TMEM237: variants seen among roughly 807,000 people sequenced by gnomAD.
The protein encoded by TMEM237 is transmembrane protein 237.
A neutral mutation model predicts 59.1 loss-of-function variants in TMEM237; 51 were observed. The observed-to-expected ratio is 0.86, with a 90% confidence interval of 0.69 to 1.09. The LOEUF (loss-of-function observed/expected upper bound fraction) is 1.09, where lower values mean the gene tolerates loss of function less well. Among genes scored for constraint, TMEM237 ranks in the 50% least tolerant of loss-of-function variants. The pLI is 0.00. For missense variants in TMEM237, 475 were observed against 478.3 expected (o/e 0.99, Z 0.06); for synonymous variants, 140 against 166.1 (o/e 0.84, Z 1.21).
intron 6 of TMEM237, 79 bp from the exon 7 acceptor site, chr2:201,632,287 A>G: frequency 6.7e-7 from 1 of 1,499,536 alleles, no homozygotes; most frequent in African/African-American, 1.4e-5. Flanking sequence ...AGCTATAAAT[A>G]TAATGGAAAG....
At position 201,629,823 on chromosome 2, in the gene TMEM237, A is replaced by G. The variant is rs751382618; in HGVS notation, c.583T>C (p.Leu195=). ...TCTATGTTTTCTGTGGTCTTTATCAACTCTGAACGATCAGCAGCCTGGAAT... is the reference window on the plus strand; with the variant it reads ...TCTATGTTTTCTGTGGTCTTTATCAGCTCTGAACGATCAGCAGCCTGGAAT... The part of the protein sequence containing the change: ...RRFQAADRSE[L]IKTTENIDVS... The change falls in exon 8 of 13, where the codon TTG becomes CTG. Residue 195 remains leucine, a synonymous_variant. Transcript: ENST00000409883. The G allele has an allele frequency of 1.2e-6, 2 of 1,613,116 alleles. No individual in the cohort carries two copies. The highest frequency in any genetic ancestry group is 2.2e-5 in the South Asian group (2 of 90,864).
intron 1 of TMEM237, chr2:201,642,636 A>T: frequency 6.2e-7 from 1 of 1,608,412 alleles, no homozygotes; most frequent in African/African-American, 1.3e-5. Flanking sequence ...TTCTGCGTTT[A>T]GCCGGCCTCG....
rs570345803 is a variant in TMEM237, at chr2:201,640,631, A to G, written c.74+262T>C. ...GACCAGAATTCTGATTTAAAAAAAA[A>G]AAGACACCAAAACAGTTAGAAAGGG... On this transcript the variant is annotated intron_variant, in intron 2 of 12. Coordinates refer to ENST00000409883, the MANE Select transcript of TMEM237 (RefSeq NM_001044385.3). Among the ~76,000 whole-genome samples the G allele has an allele frequency of 1.3e-4, 20 of 152,264 alleles. No homozygotes were observed. In the South Asian group the frequency reaches 4.1e-3, roughly 32 times the overall value.
At chr2:201,626,952 T>C (rs985094826) in intron 11 of TMEM237, among the ~76,000 whole-genome samples, 7 of 151,890 alleles carry the variant, frequency 4.6e-5, no homozygotes, top group Admixed American at 1.3e-4. Context: ...TGATGGCGGG[T>C]GCCTGTAATC....
intron 5 of TMEM237, 75 bp from the exon 6 acceptor site, chr2:201,633,506 G>A: frequency 8.4e-7 from 1 of 1,184,610 alleles, no homozygotes; most frequent in South Asian, 2.1e-5. Flanking sequence ...ACTTGTATAA[G>A]AGAAAAGAAC....
chr2:201,633,091 T>A (rs901843421), intron 6 of TMEM237, among the ~76,000 whole-genome samples: 32 of 152,210 alleles, frequency 2.1e-4, no homozygotes, highest in Non-Finnish European at 4.6e-4. Flanking sequence ...TAAGTTTTTT[T>A]ATTTAAGTAC....
Position 201,643,274 on chromosome 2 carries a change from G to GGCCCCCC in TMEM237, c.42+84_42+85insGGGGGGC. On this transcript the variant is annotated intron_variant, in intron 1 of 12. Coordinates refer to ENST00000409883, the MANE Select transcript of TMEM237 (RefSeq NM_001044385.3). The surrounding 1 kb of genome is among the most constrained non-coding windows in gnomAD (Gnocchi z 4.3). The stretch of plus-strand genomic sequence containing the variant: ...CCTTAGTGATTCCCAGCTCGTTGGC[G>GGCCCCCC]CCCCCCCACACACACCCACCCCCAC... 2 of 1,206,742 alleles carry GGCCCCCC rather than the reference G, an allele frequency of 1.7e-6. No homozygotes were observed. The highest frequency in any genetic ancestry group is 2.4e-6 in the Non-Finnish European group (2 of 849,310). 74.8% of individuals were successfully genotyped at this position (1,206,742 alleles called of 1,614,324 possible). A position where few individuals can be genotyped will look rare whatever the true frequency, so the allele number is the denominator to read the frequency against.
chr2:201,637,744 CAA>C (rs60167652), intron 4 of TMEM237, among the ~76,000 whole-genome samples: 11 of 63,384 alleles, frequency 1.7e-4, no homozygotes, highest in Non-Finnish European at 2.0e-4. Context: ...GACTCCGTCT[CAA>C]AAAAAAAAAA....
chr2:201,630,550 G>T (rs1957799042), intron 7 of TMEM237, among the ~76,000 whole-genome samples: 1 of 152,198 alleles, frequency 6.6e-6, no homozygotes, highest in South Asian at 2.1e-4. Context: ...GTGTTTTGGA[G>T]GATGAAAGAC....
intron 5 of TMEM237, chr2:201,634,781 T>A: frequency 3.0e-6 from 1 of 338,094 alleles, no homozygotes; most frequent in Non-Finnish European, 6.2e-6. Flanking sequence ...CCCCAGGCAC[T>A]GTGGCATCCC....
At position 201,643,057 on chromosome 2, in the gene TMEM237, C is replaced by G. The variant is rs1307049451; in HGVS notation, c.42+302G>C. On this transcript the variant is annotated intron_variant, in intron 1 of 12. Transcript: ENST00000409883. This position sits in a 1 kb window ranked among gnomAD's most constrained non-coding sequence, Gnocchi z 4.3. ...CTAGGAGAGGCCTGGCTGGAAGCCCCGGCACCCGCCGGGCCCCGGGCCTCA... is the reference window on the plus strand; with the variant it reads ...CTAGGAGAGGCCTGGCTGGAAGCCCGGGCACCCGCCGGGCCCCGGGCCTCA... The G allele has an allele frequency of 1.8e-5, 21 of 1,190,036 alleles. No homozygotes were observed. Among genetic ancestry groups the G allele is most frequent in the Non-Finnish European group, 2.3e-5 (21 of 918,716 alleles). 73.7% of individuals were successfully genotyped at this position (1,190,036 alleles called of 1,614,324 possible).
chr2:201,633,290 G>A (rs751735199), intron 6 of TMEM237, 21 bp downstream of exon 6: 12 of 1,588,894 alleles, frequency 7.6e-6, no homozygotes, highest in Non-Finnish European at 8.6e-6. Flanking sequence ...AGAATAGTTA[G>A]AAGAATAAAT....
chr2:201,642,731 C>G, intron 1 of TMEM237: 1 of 1,526,372 alleles, frequency 6.6e-7, no homozygotes, highest in Non-Finnish European at 8.8e-7. Context: ...CGGGCCGCGC[C>G]GCCTGGCTAG....
Position 201,636,850 on chromosome 2 carries a change from C to T in TMEM237, c.172G>A (p.Gly58Ser), listed in dbSNP as rs1178421368. 2.5e-6 allele frequency: 4 copies of T among 1,607,710 alleles called. No individual in the cohort carries two copies. The African/African-American group carries it at 5.3e-5, about 21-fold the overall frequency. Residue 58 changes from glycine (G) to serine (S), a missense_variant, in exon 5 of 13, where the codon GGT becomes AGT. Gly to Ser is a moderately conservative substitution (Grantham distance 56). Transcript: ENST00000409883. ...ASLEGLAQTA[G>S]RRPSEGNEPS... ...TCATTGCCCTCAGAGGGCCTTCGAC[C>T]AGCAGTCTGAGCAAGGCCTTCCAAA...
intron 1 of TMEM237, among the ~76,000 whole-genome samples, chr2:201,641,862 T>C (rs772717739): frequency 4.6e-5 from 7 of 152,146 alleles, no homozygotes; most frequent in Non-Finnish European, 8.8e-5. Context: ...TTAGGTTAAA[T>C]TGGGCTTGGA....
chr2:201,643,416 G>A lies in TMEM237; in HGVS notation c.-16C>T. 1.3e-6 allele frequency: 2 copies of A among 1,498,480 alleles called. No homozygotes were observed. Among genetic ancestry groups the A allele is most frequent in the Non-Finnish European group, 1.8e-6 (2 of 1,122,776 alleles). 92.8% of individuals were successfully genotyped at this position (1,498,480 alleles called of 1,614,324 possible). A position where few individuals can be genotyped will look rare whatever the true frequency, so the allele number is the denominator to read the frequency against. ...CAGTCCTCATGGTGCTCTCCCCGCG[G>A]GGCTGCCCCGGCGCAACCGCCGGCG... On this transcript the variant is annotated 5_prime_UTR_variant, in exon 1 of 13. Transcript: ENST00000409883. The surrounding 1 kb of genome is among the most constrained non-coding windows in gnomAD (Gnocchi z 4.3).
chr2:201,631,031 T>C (rs1957802414), intron 7 of TMEM237: 1 of 152,190 alleles, frequency 6.6e-6, no homozygotes, highest in South Asian at 2.1e-4. Context: ...GATCATGCTT[T>C]GAGTAGGTTT....
At chr2:201,624,975 C>T (rs1015584190) in intron 12 of TMEM237, among the ~76,000 whole-genome samples, 10 of 152,018 alleles carry the variant, frequency 6.6e-5, no homozygotes, top group Admixed American at 3.9e-4. Context: ...TAGATGTTGG[C>T]GAAATTCTGC....
At chr2:201,628,406 T>C (rs975562653) in intron 9 of TMEM237, among the ~76,000 whole-genome samples, 1 of 152,200 alleles carries the variant, frequency 6.6e-6, no homozygotes, top group African/African-American at 2.4e-5. Context: ...AAACTTGATC[T>C]ATAAAATTTC....
Sources: allele counts gnomAD v4.1 joint callset (sites outside exome capture counted in the v4.1 genomes callset), GRCh38; gene constraint gnomAD v4.1.1; non-coding constraint Gnocchi (gnomAD v3.1); transcripts MANE v1.5; gene names NCBI Gene and HGNC (gene_info 2026-07-23, HGNC 2026-07-21).